The following ZFPM2 variants were observed in gnomAD, a reference collection of about 807,000 sequenced individuals.
ZFPM2 encodes the protein zinc finger protein, FOG family member 2, also known as zinc finger protein ZFPM2.
ZFPM2 carries 20 observed loss-of-function variants against 98.6 expected under a neutral mutation model. That is an observed-to-expected ratio of 0.20 (90% confidence interval 0.14 to 0.29). The LOEUF (loss-of-function observed/expected upper bound fraction) is 0.29. Among genes scored for constraint, ZFPM2 ranks in the 10% least tolerant of loss-of-function variants. The probability of loss-of-function intolerance (pLI) is 1.00; values close to 1 mark genes in which losing one functional copy is unlikely to be tolerated. For missense variants in ZFPM2, 1,310 were observed against 1,388.6 expected, an observed-to-expected ratio of 0.94 and a Z score of 0.90; for synonymous variants, 518 against 502.7, an observed-to-expected ratio of 1.03 and a Z score of -0.41.
chr8:105,787,575 A>G (rs891985450), intron 5 of ZFPM2: 4 of 152,202 alleles, frequency 2.6e-5, no homozygotes, highest in African/African-American at 9.6e-5. Context: ...TTTTACCACA[A>G]GTTGTTTAAA....
chr8:105,638,682 G>A (rs1320200256), intron 5 of ZFPM2, among the ~76,000 whole-genome samples: 1 of 151,926 alleles, frequency 6.6e-6, no homozygotes, highest in East Asian at 1.9e-4. Flanking sequence ...CCCATTTAAT[G>A]TTTAACTATT....
chr8:105,531,652 G>C (rs1295912952), intron 3 of ZFPM2, among the ~76,000 whole-genome samples: 2 of 152,044 alleles, frequency 1.3e-5, no homozygotes, highest in African/African-American at 2.4e-5. Context: ...TCAACCTATA[G>C]TACCTCTGAA....
chr8:105,602,923 A>G (rs1816122105), intron 4 of ZFPM2, among the ~76,000 whole-genome samples: 1 of 152,072 alleles, frequency 6.6e-6, no homozygotes, highest in Non-Finnish European at 1.5e-5. Context: ...CAAGTCACAT[A>G]TTCTCCCCAG....
intron 1 of ZFPM2, among the ~76,000 whole-genome samples, chr8:105,375,263 A>G (rs759217779): frequency 6.6e-6 from 1 of 152,190 alleles, no homozygotes; most frequent in Non-Finnish European, 1.5e-5. Context: ...CTAGAAAGGA[A>G]TCTAACAGGG....
intron 3 of ZFPM2, among the ~76,000 whole-genome samples, chr8:105,553,158 A>G (rs149758302): frequency 1.0e-3 from 155 of 152,116 alleles, no homozygotes; most frequent in African/African-American, 3.2e-3. Context: ...TTCATTACCA[A>G]TAATATTACT....
chr8:105,500,894 G>C (rs1419698970), intron 3 of ZFPM2, among the ~76,000 whole-genome samples: 1 of 152,030 alleles, frequency 6.6e-6, no homozygotes, highest in Non-Finnish European at 1.5e-5. Flanking sequence ...GACCATAAAG[G>C]TTATTGAAAT....
intron 4 of ZFPM2, among the ~76,000 whole-genome samples, chr8:105,603,039 T>C (rs1026774606): frequency 5.3e-5 from 8 of 152,130 alleles, no homozygotes; most frequent in Non-Finnish European, 1.0e-4. Flanking sequence ...CTATGATACA[T>C]GGAGAATAGT....
intron 3 of ZFPM2, among the ~76,000 whole-genome samples, chr8:105,554,477 G>A (rs574647625): frequency 3.3e-5 from 5 of 152,174 alleles, no homozygotes; most frequent in Admixed American, 2.0e-4. Flanking sequence ...GCATGACTTC[G>A]GGGCTGTCCA....
intron 1 of ZFPM2, among the ~76,000 whole-genome samples, chr8:105,337,225 G>A (rs558748830): frequency 1.7e-3 from 251 of 151,844 alleles, no homozygotes; most frequent in Non-Finnish European, 1.9e-3. Flanking sequence ...GGGACACCAT[G>A]TTAGCAAGTC....
chr8:105,742,380 A>T (rs1256610309), intron 5 of ZFPM2, among the ~76,000 whole-genome samples: 2 of 80,826 alleles, frequency 2.5e-5, no homozygotes, highest in African/African-American at 7.1e-5. Flanking sequence ...CCTGTCTCTT[A>T]AAAAAAAAAA....
chr8:105,677,815 G>A (rs1190283972), intron 5 of ZFPM2, among the ~76,000 whole-genome samples: 3 of 152,134 alleles, frequency 2.0e-5, no homozygotes, highest in Admixed American at 2.0e-4. Context: ...AAACTGGGAA[G>A]CTTTCCAAAT....
intron 4 of ZFPM2, chr8:105,616,523 T>G (rs1816418330): frequency 5.9e-6 from 1 of 169,882 alleles, no homozygotes; most frequent in African/African-American, 2.4e-5. Flanking sequence ...TCACAGAAAT[T>G]TAATCATTTC....
chr8:105,624,288 T>C (rs2130822438), intron 4 of ZFPM2, among the ~76,000 whole-genome samples: 1 of 152,332 alleles, frequency 6.6e-6, no homozygotes, highest in Admixed American at 6.5e-5. Context: ...TTGCACTAGG[T>C]GCAAGCCCAG....
At chr8:105,639,705 C>T (rs1034434739) in intron 5 of ZFPM2, among the ~76,000 whole-genome samples, 2 of 151,936 alleles carry the variant, frequency 1.3e-5, no homozygotes, top group Non-Finnish European at 2.9e-5. Flanking sequence ...ACAAGCAGTC[C>T]TTGTGGTCAT....
intron 5 of ZFPM2, among the ~76,000 whole-genome samples, chr8:105,779,460 G>C (rs1813192127): frequency 6.6e-6 from 1 of 152,158 alleles, no homozygotes; most frequent in Admixed American, 6.5e-5. Context: ...ATATTTTTCA[G>C]CGTGCTATGT....
At chr8:105,667,458 G>T (rs938562895) in intron 5 of ZFPM2, among the ~76,000 whole-genome samples, 1 of 152,160 alleles carries the variant, frequency 6.6e-6, no homozygotes, top group African/African-American at 2.4e-5. Flanking sequence ...TATGTGAATA[G>T]ATTTAAAAAT....
chr8:105,802,100 C>T lies in ZFPM2; in HGVS notation c.2018C>T (p.Pro673Leu), dbSNP rs1350732182. 1 of 1,613,738 alleles carries T rather than the reference C, an allele frequency of 6.2e-7. No individual in the cohort carries two copies. Among genetic ancestry groups the T allele is most frequent in the Admixed American group, 1.7e-5 (1 of 59,980 alleles). ...INGKPVDVKN[P>L]SVPLVDGESD... ...GGAAAACCTGTTGATGTGAAAAATC[C>T]CAGTGTCCCCTTAGTGGATGGGGAA... The change falls in exon 8 of 8, where the codon CCC (proline) becomes CTC (leucine). Residue 673 changes from proline to leucine, a missense_variant. Physicochemically the swap from Pro to Leu is moderately conservative, Grantham distance 98 (BLOSUM62 -3). Coordinates refer to ENST00000407775, the MANE Select transcript of ZFPM2 (RefSeq NM_012082.4).
intron 3 of ZFPM2, among the ~76,000 whole-genome samples, chr8:105,548,479 T>A (rs973498473): frequency 5.3e-5 from 8 of 152,132 alleles, no homozygotes; most frequent in African/African-American, 9.7e-5. Flanking sequence ...TGTTTTTTTT[T>A]ACAACAAATT....
intron 5 of ZFPM2, among the ~76,000 whole-genome samples, chr8:105,638,125 A>G (rs1816884237): frequency 6.6e-6 from 1 of 151,956 alleles, no homozygotes; most frequent in Admixed American, 6.6e-5. Flanking sequence ...TCATTCTCAG[A>G]TAAGTAGTGG....
Sources: allele counts gnomAD v4.1 joint callset (sites outside exome capture counted in the v4.1 genomes callset), GRCh38; gene constraint gnomAD v4.1.1; transcripts MANE v1.5; gene names NCBI Gene and HGNC (gene_info 2026-07-23, HGNC 2026-07-21).